EML3: variants seen among roughly 807,000 people sequenced by gnomAD.
EML3 encodes the protein echinoderm microtubule-associated protein-like 3.
A neutral mutation model predicts 106.7 loss-of-function variants in EML3; 53 were observed. The ratio of observed to expected loss-of-function variants is 0.50; its 90% confidence interval spans 0.40 to 0.62. The LOEUF (loss-of-function observed/expected upper bound fraction) is 0.62, where lower values mean the gene tolerates loss of function less well. Ranked by LOEUF, EML3 falls within the 20% of genes least tolerant of loss-of-function variation. The pLI is 0.00. For missense variants in EML3, 994 were observed against 1,209.1 expected (o/e 0.82, Z 2.64); for synonymous variants, 499 against 489.6 (o/e 1.02, Z -0.25).
At chr11:62,603,923 C>G (rs765680407) in intron 18 of EML3, 21 bp downstream of exon 18, 10 of 1,613,746 alleles carry the variant, frequency 6.2e-6, no homozygotes, top group South Asian at 3.3e-5. Context: ...CATGCCCCAC[C>G]ACACACCCCA....
In EML3 at chr11:62,610,965, T is replaced by C. The variant is rs1197829544; in HGVS notation, c.480A>G (p.Ser160=). ...TCTGCCGAGGCCGCTCTGAGGGGGA[T>C]GAGGAGGAGGAAGAATTTCTTCGCG... is the stretch of plus-strand genomic sequence containing the variant. The part of the protein sequence containing the change: ...DTPRRNSSSS[S]SPSERPRQKL... The change falls in exon 4 of 22, where the codon TCA becomes TCG. Residue 160 remains serine (S), a synonymous_variant. Transcript: ENST00000394773. 6.2e-7 allele frequency: 1 copy of C among 1,613,702 alleles called. No individual in the cohort carries two copies. The highest frequency in any genetic ancestry group is 8.5e-7 in the Non-Finnish European group (1 of 1,179,940).
chr11:62,605,086 C>A lies in EML3; in HGVS notation c.1982+27G>T. The A allele has an allele frequency of 6.2e-7, 1 of 1,603,982 alleles. No homozygotes were observed. The highest frequency in any genetic ancestry group is 1.1e-5 in the South Asian group (1 of 89,942). ...CCCTTCCCAGTCCTCCCTGCTTTCC[C>A]TCCTGGGAGTCCTGGCTCTCTCTCA... On this transcript the variant is annotated intron_variant, in intron 16 of 21. Coordinates refer to ENST00000394773, the MANE Select transcript of EML3 (RefSeq NM_153265.3). The surrounding 1 kb of genome is among the most constrained non-coding windows in gnomAD (Gnocchi z 5.2).
chr11:62,605,651 G>A lies in EML3; in HGVS notation c.1905C>T (p.Ile635=). The change falls in exon 15 of 22, where the codon ATC becomes ATT. Residue 635 remains isoleucine, a synonymous_variant. Coordinates refer to ENST00000394773, the MANE Select transcript of EML3 (RefSeq NM_153265.3). The surrounding 1 kb of genome is among the most constrained non-coding windows in gnomAD (Gnocchi z 5.2). ...DGESHALAWS[I]DLKETGLCAD... ...GGGCACAGGGCTCTACCTTGAGGTC[G>A]ATGCTCCAGGCCAGTGCATGGCTCT... The A allele has an allele frequency of 3.2e-6, 5 of 1,544,210 alleles. No individual in the cohort carries two copies. Among genetic ancestry groups the A allele is most frequent in the Middle Eastern group, 2.1e-4 (1 of 4,766 alleles).
At position 62,606,960 on chromosome 11, in the gene EML3, T is replaced by G; in HGVS notation, c.1502A>C (p.Lys501Thr). 6.2e-7 allele frequency: 1 copy of G among 1,613,768 alleles called. No individual in the cohort carries two copies. The highest frequency in any genetic ancestry group is 8.5e-7 in the Non-Finnish European group (1 of 1,179,780). The change falls in exon 12 of 22, where the codon AAA becomes ACA. Residue 501 changes from lysine to threonine, a missense_variant and splice_region_variant. Around this residue, in one of 3 missense-constraint regions of EML3, gnomAD observed 713 missense variants for 920.5 expected, o/e 0.77. Transcript: ENST00000394773. ...DSKTPGRGGA[K>T]ETYGIVAQAH... ...AGATGCCCCTCCCAGCCACATACCT[T>G]TGGCGCCACCCCTGCCTGGGGTCTT...
chr11:62,607,890 A>G, intron 10 of EML3, 69 bp from the exon 11 acceptor site: 1 of 1,549,864 alleles, frequency 6.5e-7, no homozygotes, highest in Non-Finnish European at 8.8e-7. Context: ...ACTCTCCTCA[A>G]TTTGCATCAT....
chr11:62,608,903 T>C, intron 7 of EML3, 59 bp downstream of exon 7: 1 of 1,597,900 alleles, frequency 6.3e-7, no homozygotes, highest in Non-Finnish European at 8.5e-7. Flanking sequence ...TCTTTTCTCC[T>C]GCTTCTCCAT....
In EML3 at chr11:62,605,768, G is replaced by T. The variant is rs767453878; in HGVS notation, c.1788C>A (p.His596Gln). The T allele has an allele frequency of 1.1e-5, 17 of 1,596,726 alleles. No homozygotes were observed. The highest frequency in any genetic ancestry group is 1.5e-5 in the Non-Finnish European group (17 of 1,169,886). Reference sequence around the variant, plus strand: ...TGCAGAGCCCCCAGAGCTCATCAGTGTGGCCCTGCAGCACAGCATGACTGT... The same window carrying T: ...TGCAGAGCCCCCAGAGCTCATCAGTTTGGCCCTGCAGCACAGCATGACTGT... Reference protein sequence around the residue: ...AQGFSPVIQGHTDELWGLCTH... With the variant: ...AQGFSPVIQGQTDELWGLCTH... Residue 596 changes from histidine (H) to glutamine (Q), a missense_variant, in exon 15 of 22, where the codon CAC (histidine) becomes CAA (glutamine). Physicochemically the swap from His to Gln is conservative, Grantham distance 24 (BLOSUM62 0). This residue lies in a region of EML3 where 713 missense variants were observed against 920.5 expected (regional missense o/e 0.77). Transcript: ENST00000394773. The surrounding 1 kb of genome is among the most constrained non-coding windows in gnomAD (Gnocchi z 5.2).
chr11:62,609,655 C>G lies in EML3; in HGVS notation c.608G>C (p.Gly203Ala), dbSNP rs1942713948. Residue 203 changes from glycine (G) to alanine (A), a missense_variant, in exon 5 of 22, where the codon GGA (glycine) becomes GCA (alanine). By Grantham distance (60) the Gly-to-Ala change is moderately conservative. Transcript: ENST00000394773. ...CAAATTGTAATTGCTCCTCCGAGAT[C>G]CAGGGCCCCCAGGGCTGGAGAGGGG... is the stretch of plus-strand genomic sequence containing the variant. Reference protein sequence around the residue: ...KDPLSSPGGPGSRRSNYNLEG... With the variant: ...KDPLSSPGGPASRRSNYNLEG... 2.5e-6 allele frequency: 4 copies of G among 1,608,054 alleles called. No homozygotes were observed. The highest frequency in any genetic ancestry group is 1.7e-5 in the Admixed American group (1 of 58,884).
At chr11:62,609,273 G>T in intron 6 of EML3, 81 bp downstream of exon 6, 1 of 1,540,260 alleles carries the variant, frequency 6.5e-7, no homozygotes. Flanking sequence ...TGTCCCCACA[G>T]ACCCAGGAGG....
At chr11:62,604,360 ATTC>A (rs1001584398) in intron 16 of EML3, among the ~76,000 whole-genome samples, 159 bp from the exon 17 acceptor site, 3 of 152,210 alleles carry the variant, frequency 2.0e-5, no homozygotes, top group Admixed American at 6.5e-5. Flanking sequence ...TCACAACTGC[ATTC>A]TTCTTTTTTA....
chr11:62,612,431 C>T lies in EML3; in HGVS notation c.22+5G>A, dbSNP rs1469054704. 2 of 1,482,206 alleles carry T rather than the reference C, an allele frequency of 1.3e-6. No individual in the cohort carries two copies. The highest frequency in any genetic ancestry group is 1.8e-6 in the Non-Finnish European group (2 of 1,124,538). The allele number at this position is 1,482,206 out of a possible 1,614,324, so 91.8% of individuals were successfully genotyped here. A position where few individuals can be genotyped will look rare whatever the true frequency, so the allele number is the denominator to read the frequency against. ...GGCACGCCGCCCGCCCCGCCCCGTA[C>T]TCACCGGGCCCCGCGGCCCCGTCCA... On this transcript the variant is annotated splice_donor_5th_base_variant and intron_variant, in intron 1 of 21. Transcript: ENST00000394773.
chr11:62,603,136 C>A lies in EML3; in HGVS notation c.2356+13G>T. 1 of 1,613,270 alleles carries A rather than the reference C, an allele frequency of 6.2e-7. No homozygotes were observed. The highest frequency in any genetic ancestry group is 8.5e-7 in the Non-Finnish European group (1 of 1,179,436). ...CCCCCACCCTTCCAGCAGGTTTCCA[C>A]GCCCCTGCTCACCGTAGACGTGAAA... On this transcript the variant is annotated intron_variant, in intron 20 of 21. Coordinates refer to ENST00000394773, the MANE Select transcript of EML3 (RefSeq NM_153265.3).
At position 62,610,949 on chromosome 11, in the gene EML3, G is replaced by T; in HGVS notation, c.496C>A (p.Pro166Thr). The change falls in exon 4 of 22, where the codon CCT becomes ACT. Residue 166 changes from proline to threonine, a missense_variant. Transcript: ENST00000394773. ...SSSSSSPSER[P>T]RQKLSRKAIS... ...GCCTTCCTGGAGAGCTTCTGCCGAG[G>T]CCGCTCTGAGGGGGATGAGGAGGAG... 6.2e-7 allele frequency: 1 copy of T among 1,613,738 alleles called. No individual in the cohort carries two copies. Among genetic ancestry groups the T allele is most frequent in the South Asian group, 1.1e-5 (1 of 91,074 alleles).
chr11:62,606,921 G>T (rs761867043), intron 12 of EML3, 37 bp downstream of exon 12: 13 of 1,598,136 alleles, frequency 8.1e-6, no homozygotes, highest in Non-Finnish European at 1.0e-5. Context: ...AACCTCTGGA[G>T]TACTACACTT....
rs773651722 is a variant in EML3 at position 62,608,948 on chromosome 11, C to T, written c.929+14G>A. On this transcript the variant is annotated intron_variant, in intron 7 of 21. Transcript: ENST00000394773. ...CCCTCTTCCTGCCAAGCCCACCAGC[C>T]CCGGACTCCTCACCATCGAACGCAG... 1.2e-6 allele frequency: 2 copies of T among 1,612,932 alleles called. No homozygotes were observed. Among genetic ancestry groups the T allele is most frequent in the South Asian group, 1.1e-5 (1 of 91,054 alleles).
chr11:62,611,853 G>A, intron 1 of EML3: 1 of 543,384 alleles, frequency 1.8e-6, no homozygotes, highest in South Asian at 2.4e-5. Flanking sequence ...GAGTACCATG[G>A]AGTACCGGGG....
rs1252782458 is a variant in EML3, at chr11:62,603,150, G to A, written c.2355C>T (p.Tyr785=). 8 of 1,613,904 alleles carry A rather than the reference G, an allele frequency of 5.0e-6. No individual in the cohort carries two copies. The highest frequency in any genetic ancestry group is 3.3e-5 in the South Asian group (3 of 91,086). The part of the protein sequence containing the change: ...TYTCVLGFHV[Y]GVWPDGSDGT... ...GCAGGTTTCCACGCCCCTGCTCACC[G>A]TAGACGTGAAAGCCCAGCACACAGG... Residue 785 remains tyrosine (Y), a splice_region_variant and synonymous_variant, in exon 20 of 22, where the codon TAC becomes TAT. Transcript: ENST00000394773.
Position 62,602,795 on chromosome 11 carries a change from T to C in EML3, c.2451A>G (p.Lys817=). 1.2e-6 allele frequency: 2 copies of C among 1,611,328 alleles called. No homozygotes were observed. The highest frequency in any genetic ancestry group is 1.7e-6 in the Non-Finnish European group (2 of 1,179,260). The change falls in exon 21 of 22, where the codon AAA becomes AAG. Residue 817 remains lysine, a synonymous_variant. Coordinates refer to ENST00000394773, the MANE Select transcript of EML3 (RefSeq NM_153265.3). ...CGCACGGGTACTGGAAGAGATGCAC[T>C]TTGCAGAAGTCGTCGGCCACCGCCA... ...RVVAVADDFC[K]VHLFQYPCAR... is the part of the protein sequence containing the mutation.
Position 62,605,997 on chromosome 11 carries a change from G to A in EML3, c.1657-17C>T, listed in dbSNP as rs756642649. 8.1e-6 allele frequency: 13 copies of A among 1,613,764 alleles called. No individual in the cohort carries two copies. The East Asian group carries it at 2.7e-4, about 33-fold the overall frequency. ...CTCGGGAATCTGCAGAGTGGTAGCA[G>A]AATGTCAAGAGCCCACTGACTATTG... On this transcript the variant is annotated splice_polypyrimidine_tract_variant and intron_variant, in intron 13 of 21. Transcript: ENST00000394773. This position sits in a 1 kb window ranked among gnomAD's most constrained non-coding sequence, Gnocchi z 5.2.
Sources: gnomAD v4.1 joint callset for allele counts (sites outside exome capture counted in the v4.1 genomes callset) on GRCh38, gnomAD v4.1.1 for gene constraint, gnomAD v4.1.1 regional missense constraint, Gnocchi (gnomAD v3.1) non-coding constraint, MANE v1.5 for transcripts, NCBI Gene and HGNC (gene_info 2026-07-23, HGNC 2026-07-21) for gene names.